LCLAT1: variants seen among roughly 807,000 people sequenced by gnomAD.
The protein encoded by LCLAT1 is lysocardiolipin acyltransferase 1, also known as 1-AGP acyltransferase 8.
LCLAT1 carries 11 observed loss-of-function variants against 30.7 expected under a neutral mutation model. That is an observed-to-expected ratio of 0.36 (90% confidence interval 0.23 to 0.59). The LOEUF (loss-of-function observed/expected upper bound fraction) is 0.59, where lower values mean the gene tolerates loss of function less well. LCLAT1 is among the 20% of genes least tolerant of loss of function. The pLI is 0.77. For missense variants in LCLAT1, 402 were observed against 458.6 expected, an observed-to-expected ratio of 0.88 and a Z score of 1.13; for synonymous variants, 155 against 151.3, an observed-to-expected ratio of 1.02 and a Z score of -0.18.
At chr2:30,485,732 T>C (rs1683529932) in intron 1 of LCLAT1, among the ~76,000 whole-genome samples, 1 of 152,156 alleles carries the variant, frequency 6.6e-6, no homozygotes, top group Non-Finnish European at 1.5e-5. Context: ...AATAGGAAAA[T>C]AGTAGATTAT....
chr2:30,597,478 T>C (rs1353856312), intron 5 of LCLAT1, among the ~76,000 whole-genome samples: 5 of 152,180 alleles, frequency 3.3e-5, no homozygotes, highest in African/African-American at 1.2e-4. Context: ...GCTTGTGACT[T>C]TTGCACATTG....
chr2:30,633,521 A>T (rs1221993901), intron 5 of LCLAT1, among the ~76,000 whole-genome samples: 2 of 152,040 alleles, frequency 1.3e-5, no homozygotes, highest in Non-Finnish European at 2.9e-5. Context: ...ACTCATCTCT[A>T]CTAAAAACAC....
intron 5 of LCLAT1, among the ~76,000 whole-genome samples, chr2:30,608,389 T>A (rs1005304775): frequency 6.6e-6 from 1 of 151,958 alleles, no homozygotes; most frequent in African/African-American, 2.4e-5. Flanking sequence ...TTTAATAAAT[T>A]TAGTGTAGCC....
chr2:30,629,351 G>A lies in LCLAT1; in HGVS notation c.629-10766G>A, dbSNP rs765448215. 1.2e-4 allele frequency among the ~76,000 whole-genome samples: 19 copies of A among 152,236 alleles called. No individual in the cohort carries two copies. In the South Asian group the frequency reaches 1.7e-3, roughly 13 times the overall value. On this transcript the variant is annotated intron_variant, in intron 5 of 5. Transcript: ENST00000379509. ...GAGGCAGGTGGATCACCTGAGGTCCGGAGTTCGAGACCAGCCTGGCCAACG... is the reference window on the plus strand; with the variant it reads ...GAGGCAGGTGGATCACCTGAGGTCCAGAGTTCGAGACCAGCCTGGCCAACG...
intron 1 of LCLAT1, among the ~76,000 whole-genome samples, chr2:30,516,955 C>T (rs987965857): frequency 1.3e-5 from 2 of 152,148 alleles, no homozygotes; most frequent in African/African-American, 4.8e-5. Context: ...TTACAATTTT[C>T]CTGGGGAAGC....
intron 5 of LCLAT1, among the ~76,000 whole-genome samples, chr2:30,589,705 A>G (rs899860848): frequency 2.0e-5 from 3 of 152,224 alleles, no homozygotes; most frequent in African/African-American, 7.2e-5. Context: ...ACAAATGTGT[A>G]TACACACAGA....
At chr2:30,510,068 A>G (rs1343129137) in intron 1 of LCLAT1, among the ~76,000 whole-genome samples, 2 of 152,168 alleles carry the variant, frequency 1.3e-5, no homozygotes, top group Admixed American at 1.3e-4. Flanking sequence ...AACAACTTTC[A>G]GAGAGTCTTC....
In LCLAT1 at chr2:30,530,820, A is replaced by G. The variant is rs1030680305; in HGVS notation, c.166-2296A>G. On this transcript the variant is annotated intron_variant, in intron 2 of 5. Transcript: ENST00000379509. ...TAGCCTCCCAAAGTGCTGGGATTAC[A>G]TATGTGAGCCACCACACCCATCCCA... Among the ~76,000 whole-genome samples, 4 of 152,114 alleles carry G rather than the reference A, an allele frequency of 2.6e-5. No individual in the cohort carries two copies. In the South Asian group the frequency reaches 8.3e-4, roughly 32 times the overall value.
At chr2:30,494,359 C>T (rs1370011467) in intron 1 of LCLAT1, among the ~76,000 whole-genome samples, 1 of 152,078 alleles carries the variant, frequency 6.6e-6, no homozygotes, top group African/African-American at 2.4e-5. Flanking sequence ...TCTTCAGAGG[C>T]TTTTAGGCTT....
At position 30,615,944 on chromosome 2, in the gene LCLAT1, G is replaced by T. The variant is rs535097790; in HGVS notation, c.629-24173G>T. Among the ~76,000 whole-genome samples the T allele has an allele frequency of 9.2e-5, 14 of 152,286 alleles. No individual in the cohort carries two copies. In the South Asian group the frequency reaches 2.9e-3, roughly 32 times the overall value. On this transcript the variant is annotated intron_variant, in intron 5 of 5. Transcript: ENST00000379509. ...AGTGAATTGATCAGCTTGTGTAAGGGATTGAAATGAGACCCTTCCCTACCT... is the reference window on the plus strand; with the variant it reads ...AGTGAATTGATCAGCTTGTGTAAGGTATTGAAATGAGACCCTTCCCTACCT...
At chr2:30,510,646 T>C (rs1304811283) in intron 1 of LCLAT1, among the ~76,000 whole-genome samples, 1 of 152,164 alleles carries the variant, frequency 6.6e-6, no homozygotes, top group Non-Finnish European at 1.5e-5. Flanking sequence ...TTTTTTGAGA[T>C]TGTTGTTGCT....
At chr2:30,531,041 G>A (rs534665986) in intron 2 of LCLAT1, among the ~76,000 whole-genome samples, 44 of 152,156 alleles carry the variant, frequency 2.9e-4, no homozygotes, top group Middle Eastern at 3.4e-3. Flanking sequence ...CAAGGCGGGC[G>A]AGTCGCAAGT....
chr2:30,605,108 G>T (rs982673315), intron 5 of LCLAT1, among the ~76,000 whole-genome samples: 1 of 152,216 alleles, frequency 6.6e-6, no homozygotes. Context: ...CCAGTTTTAG[G>T]ACAGTGCTTT....
At position 30,531,906 on chromosome 2, in the gene LCLAT1, C is replaced by T. The variant is rs191954859; in HGVS notation, c.166-1210C>T. On this transcript the variant is annotated intron_variant, in intron 2 of 5. Transcript: ENST00000379509. ...ATGTACAATTTAATGAAAAATTTTGCGTGTAACTGTCAACCAGGTCAAGAA... is the reference window on the plus strand; with the variant it reads ...ATGTACAATTTAATGAAAAATTTTGTGTGTAACTGTCAACCAGGTCAAGAA... Among the ~76,000 whole-genome samples, 217 of 152,156 alleles carry T rather than the reference C, an allele frequency of 1.4e-3. 1 individual carries two copies. Among genetic ancestry groups the T allele is most frequent in the Non-Finnish European group, 2.5e-3 (168 of 67,976 alleles).
At position 30,570,674 on chromosome 2, in the gene LCLAT1, T is replaced by C. The variant is rs143456246; in HGVS notation, c.628+2498T>C. On this transcript the variant is annotated intron_variant, in intron 5 of 5. Coordinates refer to ENST00000379509, the MANE Select transcript of LCLAT1 (RefSeq NM_001002257.3). ...TTAGTTAACAAAATCTCCAGATCAT[T>C]AAGCACCTTTCTAACACTAGTGAGC... Among the ~76,000 whole-genome samples, 17 of 152,352 alleles carry C rather than the reference T, an allele frequency of 1.1e-4. No individual in the cohort carries two copies. In the East Asian group the frequency reaches 3.3e-3, roughly 29 times the overall value.
chr2:30,616,682 G>A (rs1343628141), intron 5 of LCLAT1, among the ~76,000 whole-genome samples: 1 of 152,100 alleles, frequency 6.6e-6, no homozygotes, highest in African/African-American at 2.4e-5. Flanking sequence ...TTAAATGTCA[G>A]CTTGCACTTA....
chr2:30,599,432 G>C (rs1338775541), intron 5 of LCLAT1, among the ~76,000 whole-genome samples: 2 of 152,222 alleles, frequency 1.3e-5, no homozygotes, highest in Non-Finnish European at 2.9e-5. Context: ...GCGCTGAGAA[G>C]AATGTATATT....
intron 5 of LCLAT1, among the ~76,000 whole-genome samples, chr2:30,622,659 G>A (rs74787069): frequency 0.034 from 5,169 of 152,202 alleles, 120 homozygotes; most frequent in East Asian, 0.064. Context: ...GTCACCAGCC[G>A]GAAGCCTGGT....
chr2:30,631,444 T>G (rs1668767423), intron 5 of LCLAT1, among the ~76,000 whole-genome samples: 1 of 152,130 alleles, frequency 6.6e-6, no homozygotes, highest in Non-Finnish European at 1.5e-5. Context: ...GTAGACTGAA[T>G]GTTAGAAAAT....
Sources: gnomAD v4.1 joint callset for allele counts (sites outside exome capture counted in the v4.1 genomes callset) on GRCh38, gnomAD v4.1.1 for gene constraint, MANE v1.5 for transcripts, NCBI Gene and HGNC (gene_info 2026-07-23, HGNC 2026-07-21) for gene names.